SSH2: variants seen among roughly 807,000 people sequenced by gnomAD.
SSH2 encodes the protein protein phosphatase Slingshot homolog 2.
A neutral mutation model predicts 135.2 loss-of-function variants in SSH2; 37 were observed. The observed-to-expected ratio is 0.27, with a 90% CI of 0.21 to 0.36. The LOEUF is 0.36. Ranked by LOEUF, SSH2 falls within the 10% of genes least tolerant of loss-of-function variation. The pLI is 1.00. For missense variants in SSH2, 1,408 were observed against 1,765.3 expected (o/e 0.80, Z 3.63); for synonymous variants, 628 against 646.2 (o/e 0.97, Z 0.43).
At chr17:29,769,908 C>G (rs2041531842) in intron 3 of SSH2, among the ~76,000 whole-genome samples, 1 of 152,030 alleles carries the variant, frequency 6.6e-6, no homozygotes, top group South Asian at 2.1e-4. Context: ...TCAAACTCCC[C>G]AAATACTTCT....
At chr17:29,654,803 T>C (rs2036716824) in intron 12 of SSH2, among the ~76,000 whole-genome samples, 1 of 152,180 alleles carries the variant, frequency 6.6e-6, no homozygotes, top group Non-Finnish European at 1.5e-5. Flanking sequence ...CAGAAGCTTG[T>C]CCAGTTCACA....
intron 3 of SSH2, among the ~76,000 whole-genome samples, chr17:29,705,886 C>T (rs1347630012): frequency 6.6e-6 from 1 of 152,150 alleles, no homozygotes; most frequent in Admixed American, 6.5e-5. Flanking sequence ...TTGTTTCCTT[C>T]AGAATATTTA....
chr17:29,744,183 T>C (rs1178176149), intron 3 of SSH2, among the ~76,000 whole-genome samples: 6 of 150,886 alleles, frequency 4.0e-5, no homozygotes, highest in Admixed American at 6.6e-5. Context: ...GGGGCGCAGC[T>C]GGCCCGCTGC....
intron 6 of SSH2, among the ~76,000 whole-genome samples, chr17:29,683,060 C>T (rs1000992846): frequency 6.6e-5 from 10 of 152,024 alleles, no homozygotes; most frequent in Non-Finnish European, 1.0e-4. Context: ...GTGATTTTTT[C>T]CCCTCAACAT....
chr17:29,739,913 C>A (rs571654020), intron 3 of SSH2, among the ~76,000 whole-genome samples: 1 of 152,306 alleles, frequency 6.6e-6, no homozygotes, highest in Admixed American at 6.5e-5. Flanking sequence ...AAAAAGTTTT[C>A]TTTTCTGCTC....
At chr17:29,849,139 A>G (rs908695459) in intron 1 of SSH2, among the ~76,000 whole-genome samples, 4 of 152,192 alleles carry the variant, frequency 2.6e-5, no homozygotes, top group Non-Finnish European at 5.9e-5. Flanking sequence ...AGCATTTCCT[A>G]TGGTTTCCCG....
At chr17:29,734,680 T>C (rs571984741) in intron 3 of SSH2, among the ~76,000 whole-genome samples, 6 of 152,218 alleles carry the variant, frequency 3.9e-5, no homozygotes, top group Non-Finnish European at 7.3e-5. Flanking sequence ...GCACTAGCAA[T>C]ATTTTACCCT....
chr17:29,733,374 T>C (rs2040260760), intron 3 of SSH2, among the ~76,000 whole-genome samples: 1 of 152,236 alleles, frequency 6.6e-6, no homozygotes, highest in South Asian at 2.1e-4. Context: ...TTAAACATAT[T>C]GAAAGAATGC....
Position 29,663,402 on chromosome 17 carries a change from CT to C in SSH2, c.1032+3464del, listed in dbSNP as rs377167565. Reference sequence around the variant, plus strand: ...GCTAGGAAAGCCAGCAGGGCAAAGACTCAATGGAGAAGAGATAGGGAGTTGG... The same window carrying C: ...GCTAGGAAAGCCAGCAGGGCAAAGACCAATGGAGAAGAGATAGGGAGTTGG... On this transcript the variant is annotated intron_variant, in intron 11 of 15. Transcript: ENST00000540801. Among the ~76,000 whole-genome samples the C allele has an allele frequency of 3.9e-4, 59 of 152,320 alleles. 1 individual carries two copies. The East Asian group carries it at 6.9e-3, about 18-fold the overall frequency.
rs568075025 is a variant in SSH2, at chr17:29,824,065, T to C, written c.144+24784A>G. ...AGCTTCAACTATGTACAAGGCACTG[T>C]TCTAGGTCTAGTGGAACTATATAGC... On this transcript the variant is annotated intron_variant, in intron 2 of 15. Coordinates refer to ENST00000540801, the MANE Select transcript of SSH2 (RefSeq NM_001282129.2). Among the ~76,000 whole-genome samples the C allele has an allele frequency of 5.3e-5, 8 of 152,254 alleles. No homozygotes were observed. In the East Asian group the frequency reaches 5.8e-4, roughly 11 times the overall value.
chr17:29,869,858 C>T (rs2065911237), intron 1 of SSH2, among the ~76,000 whole-genome samples: 1 of 152,134 alleles, frequency 6.6e-6, no homozygotes, highest in Non-Finnish European at 1.5e-5. Context: ...AATCAGAACT[C>T]TCCTCATAGG....
At chr17:29,798,090 T>G (rs757301548) in intron 2 of SSH2, among the ~76,000 whole-genome samples, 12 of 152,218 alleles carry the variant, frequency 7.9e-5, no homozygotes, top group Non-Finnish European at 1.5e-4. Flanking sequence ...TTAACTCTAA[T>G]TGGCAATTCT....
At chr17:29,848,315 C>T (rs1237146008) in intron 2 of SSH2, among the ~76,000 whole-genome samples, 1 of 152,178 alleles carries the variant, frequency 6.6e-6, no homozygotes, top group Non-Finnish European at 1.5e-5. Flanking sequence ...TTTATAACAT[C>T]CCATGAAATG....
chr17:29,650,869 T>C (rs1251609564), intron 12 of SSH2, 69 bp from the exon 13 acceptor site: 8 of 1,335,128 alleles, frequency 6.0e-6, no homozygotes, highest in Middle Eastern at 4.0e-4. Context: ...GCACTGTTTT[T>C]TCTTACTTAA....
intron 3 of SSH2, among the ~76,000 whole-genome samples, chr17:29,791,917 C>CTTTTT (rs36064413): frequency 7.8e-6 from 1 of 128,334 alleles, no homozygotes. Context: ...TCTTCTTCCT[C>CTTTTT]TTTTTTTTTT....
chr17:29,864,934 G>A (rs1024216873), intron 1 of SSH2, among the ~76,000 whole-genome samples: 4 of 152,012 alleles, frequency 2.6e-5, no homozygotes, highest in Non-Finnish European at 5.9e-5. Context: ...AAGCCCTCCA[G>A]GTAATTCAGA....
chr17:29,873,090 T>A (rs113717136), intron 1 of SSH2, among the ~76,000 whole-genome samples: 7 of 152,234 alleles, frequency 4.6e-5, no homozygotes, highest in South Asian at 2.1e-4. Context: ...AAATTAACTT[T>A]GGTGAGTTTT....
intron 4 of SSH2, among the ~76,000 whole-genome samples, chr17:29,696,612 CATAT>C (rs35834459): frequency 2.3e-3 from 308 of 135,626 alleles, no homozygotes; most frequent in Non-Finnish European, 4.0e-3. Flanking sequence ...AACATATATA[CATAT>C]ATATATACAC....
intron 3 of SSH2, among the ~76,000 whole-genome samples, chr17:29,708,670 T>C (rs1348194843): frequency 6.6e-6 from 1 of 150,990 alleles, no homozygotes; most frequent in Non-Finnish European, 1.5e-5. Flanking sequence ...CTGAATTGAC[T>C]AGTTCTGTAG....
Sources: allele counts gnomAD v4.1 joint callset (sites outside exome capture counted in the v4.1 genomes callset), GRCh38; gene constraint gnomAD v4.1.1; transcripts MANE v1.5; gene names NCBI Gene and HGNC (gene_info 2026-07-23, HGNC 2026-07-21).